The following WDR93 variants were observed in gnomAD, a reference collection of about 807,000 sequenced individuals.
WDR93 encodes WD repeat-containing protein 93.
In WDR93, 73 loss-of-function variants were observed where a neutral mutation model predicts 82.9. The ratio of observed to expected loss-of-function variants is 0.88; its 90% CI spans 0.73 to 1.07. WDR93 has a LOEUF of 1.07. Among genes scored for constraint, WDR93 ranks in the 50% least tolerant of loss-of-function variants. The pLI is 0.00. For missense variants in WDR93, 738 were observed against 826.0 expected, an observed-to-expected ratio of 0.89 and a Z score of 1.31; for synonymous variants, 283 against 300.1, an observed-to-expected ratio of 0.94 and a Z score of 0.59.
intron 1 of WDR93, among the ~76,000 whole-genome samples, chr15:89,700,783 C>T (rs1335570947): frequency 1.3e-5 from 2 of 151,868 alleles, no homozygotes; most frequent in Admixed American, 6.6e-5. Context: ...TCTCAAACTC[C>T]TGGCCTCAAG....
At chr15:89,712,395 T>TA (rs1428829061) in intron 5 of WDR93, among the ~76,000 whole-genome samples, 3 of 110,662 alleles carry the variant, frequency 2.7e-5, no homozygotes, top group African/African-American at 1.2e-4. Context: ...TTTCCACTAA[T>TA]CTTTTTTTTT....
At chr15:89,710,095 G>T (rs1364924154) in intron 4 of WDR93, among the ~76,000 whole-genome samples, 1 of 152,254 alleles carries the variant, frequency 6.6e-6, no homozygotes, top group Non-Finnish European at 1.5e-5. Flanking sequence ...AGGAGGCGGA[G>T]ATTGCAGTGA....
intron 5 of WDR93, chr15:89,714,200 C>T (rs565539340): frequency 3.3e-5 from 5 of 152,370 alleles, no homozygotes; most frequent in Admixed American, 2.0e-4. Context: ...CCTCCCCAGA[C>T]AGGTAAAACT....
chr15:89,715,714 G>A (rs149911672), intron 6 of WDR93, among the ~76,000 whole-genome samples: 2,493 of 152,152 alleles, frequency 0.016, 81 homozygotes, highest in African/African-American at 0.057. Flanking sequence ...CTCCTGAGTA[G>A]CTGGGACTAC....
At chr15:89,712,160 A>G in intron 5 of WDR93, 56 bp downstream of exon 5, 3 of 1,386,352 alleles carry the variant, frequency 2.2e-6, no homozygotes, top group South Asian at 2.6e-5. Flanking sequence ...CCAATCTTCC[A>G]AATGATTGCT....
At chr15:89,725,424 A>G (rs1240525640) in intron 8 of WDR93, among the ~76,000 whole-genome samples, 1 of 152,196 alleles carries the variant, frequency 6.6e-6, no homozygotes, top group East Asian at 1.9e-4. Context: ...TGATAAAAGC[A>G]TAAATAAATG....
chr15:89,693,813 G>A (rs1171205853), intron 1 of WDR93, among the ~76,000 whole-genome samples: 2 of 152,136 alleles, frequency 1.3e-5, no homozygotes, highest in Non-Finnish European at 2.9e-5. Flanking sequence ...TTTGACCTAA[G>A]GGCAATATTT....
chr15:89,722,932 C>T (rs972556934), intron 8 of WDR93, among the ~76,000 whole-genome samples: 1 of 151,858 alleles, frequency 6.6e-6, no homozygotes, highest in Non-Finnish European at 1.5e-5. Flanking sequence ...GGGCCGTGTG[C>T]GGCGGCTCGT....
At chr15:89,702,265 T>A (rs1458292443) in intron 2 of WDR93, among the ~76,000 whole-genome samples, 1 of 152,236 alleles carries the variant, frequency 6.6e-6, no homozygotes, top group Non-Finnish European at 1.5e-5. Context: ...TATCCCTTTA[T>A]ATTCAGTGGT....
intron 4 of WDR93, among the ~76,000 whole-genome samples, chr15:89,705,955 T>C (rs1965707285): frequency 1.3e-5 from 2 of 152,198 alleles, no homozygotes; most frequent in South Asian, 4.1e-4. Flanking sequence ...GCCCATGCTG[T>C]TCCTTCTGCT....
At chr15:89,701,442 T>C (rs1381286499) in intron 1 of WDR93, among the ~76,000 whole-genome samples, 66 of 152,174 alleles carry the variant, frequency 4.3e-4, no homozygotes. Context: ...ACATCTGCCC[T>C]CCTATCAACA....
chr15:89,715,711 G>A (rs1307736238), intron 6 of WDR93, among the ~76,000 whole-genome samples: 1 of 152,112 alleles, frequency 6.6e-6, no homozygotes, highest in East Asian at 1.9e-4. Context: ...AGCCTCCTGA[G>A]TAGCTGGGAC....
chr15:89,726,062 T>C (rs1966726033), intron 8 of WDR93, among the ~76,000 whole-genome samples: 1 of 152,230 alleles, frequency 6.6e-6, no homozygotes, highest in Non-Finnish European at 1.5e-5. Context: ...TAAAACATTT[T>C]AGTAAGTGAA....
In WDR93 at chr15:89,735,658, G is replaced by A. The variant is rs972336459; in HGVS notation, c.1608+105G>A. ...AATGCTTATTGAAGGCCTGTTATGT[G>A]TTAGGCACTGGACTAGCTTTCGGGT... On this transcript the variant is annotated intron_variant, in intron 14 of 16. Coordinates refer to ENST00000268130, the MANE Select transcript of WDR93 (RefSeq NM_020212.2). The A allele has an allele frequency of 4.4e-5, 51 of 1,157,600 alleles. 1 individual carries two copies. Among genetic ancestry groups the A allele is most frequent in the Non-Finnish European group, 5.9e-5 (46 of 774,252 alleles). The allele number at this position is 1,157,600 out of a possible 1,614,324, so 71.7% of individuals were successfully genotyped here.
chr15:89,743,606 G>A lies in WDR93; in HGVS notation c.*215G>A. On this transcript the variant is annotated 3_prime_UTR_variant, in exon 17 of 17. Coordinates refer to ENST00000268130, the MANE Select transcript of WDR93 (RefSeq NM_020212.2). ...TCAGAGCCCTCAGGCAGGCAGATGT[G>A]TCACCCAAATAAACAGTGATATTGT... 1.7e-6 allele frequency: 1 copy of A among 579,946 alleles called. No individual in the cohort carries two copies. 35.9% of individuals were successfully genotyped at this position (579,946 alleles called of 1,614,324 possible).
At chr15:89,708,365 C>T (rs190622032) in intron 4 of WDR93, among the ~76,000 whole-genome samples, 331 of 152,274 alleles carry the variant, frequency 2.2e-3, no homozygotes, top group African/African-American at 7.7e-3. Flanking sequence ...CCCAGAGAGC[C>T]CTGAACAGCC....
At chr15:89,712,603 G>C (rs1966042554) in intron 5 of WDR93, among the ~76,000 whole-genome samples, 1 of 151,812 alleles carries the variant, frequency 6.6e-6, no homozygotes, top group Non-Finnish European at 1.5e-5. Context: ...AATTCAACTG[G>C]GGTTAAGGAT....
At chr15:89,716,160 G>A (rs1319385831) in intron 6 of WDR93, among the ~76,000 whole-genome samples, 1 of 152,160 alleles carries the variant, frequency 6.6e-6, no homozygotes, top group African/African-American at 2.4e-5. Flanking sequence ...ATGGAGTGTA[G>A]TCCTATGTCC....
At chr15:89,737,103 C>T (rs1341277787) in intron 14 of WDR93, among the ~76,000 whole-genome samples, 1 of 152,068 alleles carries the variant, frequency 6.6e-6, no homozygotes, top group Non-Finnish European at 1.5e-5. Flanking sequence ...AGGGGACTTT[C>T]TAAGGATGGG....
Sources: gnomAD v4.1 joint callset for allele counts (sites outside exome capture counted in the v4.1 genomes callset) on GRCh38, gnomAD v4.1.1 for gene constraint, MANE v1.5 for transcripts, NCBI Gene and HGNC (gene_info 2026-07-23, HGNC 2026-07-21) for gene names.